Variants in KCNG2 observed in about 807,000 individuals in gnomAD.
The protein encoded by KCNG2 is potassium voltage-gated channel modifier subfamily G member 2.
In KCNG2, 7 loss-of-function variants were observed where a neutral mutation model predicts 12.3. The observed-to-expected ratio is 0.57, with a 90% CI of 0.32 to 1.07. The LOEUF (loss-of-function observed/expected upper bound fraction) is 1.07, where lower values mean the gene tolerates loss of function less well. KCNG2 is among the 50% of genes least tolerant of loss of function. The probability of loss-of-function intolerance (pLI) is 0.04; values close to 1 mark genes in which losing one functional copy is unlikely to be tolerated. For missense variants in KCNG2, 703 were observed against 726.0 expected, an observed-to-expected ratio of 0.97 and a Z score of 0.36; for synonymous variants, 414 against 351.4, an observed-to-expected ratio of 1.18 and a Z score of -1.99.
intron 3 of KCNG2, among the ~76,000 whole-genome samples, chr18:79,877,381 G>A (rs1980116310): frequency 6.6e-6 from 1 of 152,174 alleles, no homozygotes; most frequent in East Asian, 1.9e-4. Context: ...GGTTGGTGGA[G>A]GAGAGAAAGC....
At chr18:79,872,267 C>A in intron 3 of KCNG2, among the ~76,000 whole-genome samples, 1 of 128,898 alleles carries the variant, frequency 7.8e-6, no homozygotes, top group East Asian at 2.3e-4. Flanking sequence ...GATATAAAAG[C>A]TTCAAAGCTT....
chr18:79,847,217 C>T (rs895492504), intron 1 of KCNG2, among the ~76,000 whole-genome samples: 7 of 152,220 alleles, frequency 4.6e-5, no homozygotes, highest in African/African-American at 1.7e-4. Context: ...CTCCTGGCCT[C>T]GTACAAGGTC....
chr18:79,819,455 C>T (rs2087554905), intron 1 of KCNG2, among the ~76,000 whole-genome samples: 1 of 152,234 alleles, frequency 6.6e-6, no homozygotes, highest in Admixed American at 6.5e-5. Flanking sequence ...CACCTGGCAC[C>T]ACCCTGGGCA....
chr18:79,883,668 G>A (rs1644772784), intron 3 of KCNG2, among the ~76,000 whole-genome samples: 2 of 152,212 alleles, frequency 1.3e-5, no homozygotes, highest in Non-Finnish European at 2.9e-5. Flanking sequence ...GAACGATGAG[G>A]AGGGGCCTGT....
chr18:79,839,272 C>G (rs1337987390), intron 1 of KCNG2, among the ~76,000 whole-genome samples: 2 of 152,172 alleles, frequency 1.3e-5, no homozygotes, highest in Non-Finnish European at 2.9e-5. Flanking sequence ...CCAGCCTGGA[C>G]AACAGTGCAA....
At chr18:79,823,312 G>A (rs1381719517) in intron 1 of KCNG2, among the ~76,000 whole-genome samples, 1 of 152,184 alleles carries the variant, frequency 6.6e-6, no homozygotes, top group Non-Finnish European at 1.5e-5. Context: ...GTGCTGCTGT[G>A]AACACCACAT....
chr18:79,810,668 G>GT (rs1396928182), intron 1 of KCNG2, among the ~76,000 whole-genome samples: 1 of 152,182 alleles, frequency 6.6e-6, no homozygotes, highest in Non-Finnish European at 1.5e-5. Context: ...GGATGCTGAG[G>GT]TGGGAGGATC....
At chr18:79,821,655 C>T (rs1451370197) in intron 1 of KCNG2, among the ~76,000 whole-genome samples, 2 of 152,114 alleles carry the variant, frequency 1.3e-5, no homozygotes, top group Non-Finnish European at 2.9e-5. Context: ...TGAGCACATC[C>T]CCATCTTCCT....
At chr18:79,798,441 C>A (rs1387480175) in intron 1 of KCNG2, among the ~76,000 whole-genome samples, 1 of 152,176 alleles carries the variant, frequency 6.6e-6, no homozygotes, top group African/African-American at 2.4e-5. Flanking sequence ...ACCCGACTCT[C>A]CCGGCGCCCG....
At chr18:79,887,887 T>C (rs992908836) in intron 3 of KCNG2, among the ~76,000 whole-genome samples, 1 of 152,228 alleles carries the variant, frequency 6.6e-6, no homozygotes, top group East Asian at 1.9e-4. Context: ...AAGACTTCAC[T>C]GTGGTCTGTG....
chr18:79,882,631 T>C (rs1168754846), intron 3 of KCNG2, among the ~76,000 whole-genome samples: 2 of 152,214 alleles, frequency 1.3e-5, no homozygotes, highest in Non-Finnish European at 2.9e-5. Flanking sequence ...CACTCACATG[T>C]TAGAAGGGCC....
intron 1 of KCNG2, among the ~76,000 whole-genome samples, chr18:79,821,901 T>G (rs2123006341): frequency 6.6e-6 from 1 of 152,350 alleles, no homozygotes; most frequent in African/African-American, 2.4e-5. Context: ...TTGTATTGAC[T>G]ATTCGTGGTC....
At chr18:79,888,762 C>T (rs1045982728) in intron 3 of KCNG2, among the ~76,000 whole-genome samples, 5 of 152,242 alleles carry the variant, frequency 3.3e-5, no homozygotes, top group Non-Finnish European at 5.9e-5. Context: ...GCAATCTCCA[C>T]CTCCCAGGTT....
chr18:79,812,706 C>T (rs987468510), intron 1 of KCNG2, among the ~76,000 whole-genome samples: 1 of 151,990 alleles, frequency 6.6e-6, no homozygotes, highest in Non-Finnish European at 1.5e-5. Flanking sequence ...ACTAAAAATA[C>T]AAAAATTAGC....
At chr18:79,865,278 G>A in intron 3 of KCNG2, among the ~76,000 whole-genome samples, 1 of 142,438 alleles carries the variant, frequency 7.0e-6, no homozygotes, top group South Asian at 2.4e-4. Context: ...AGGTCTGTGT[G>A]CTGAGAGGTC....
chr18:79,850,966 G>T (rs143204655), intron 1 of KCNG2, among the ~76,000 whole-genome samples: 1 of 152,258 alleles, frequency 6.6e-6, no homozygotes, highest in Non-Finnish European at 1.5e-5. Context: ...TGGAGTCTTC[G>T]TGTTACCAGA....
intron 1 of KCNG2, among the ~76,000 whole-genome samples, chr18:79,815,038 T>C (rs1445676842): frequency 6.6e-6 from 1 of 152,210 alleles, no homozygotes; most frequent in African/African-American, 2.4e-5. Flanking sequence ...TTCTTTGCAG[T>C]ATTCATGAAC....
chr18:79,836,477 A>G (rs1288232736), intron 1 of KCNG2, among the ~76,000 whole-genome samples: 1 of 152,368 alleles, frequency 6.6e-6, no homozygotes, highest in South Asian at 2.1e-4. Context: ...TCACTCAACA[A>G]AAGGAGAATA....
At chr18:79,894,704 C>T (rs3932827) in intron 3 of KCNG2, among the ~76,000 whole-genome samples, 2,291 of 6,112 alleles carry the variant, frequency 0.37, 1,035 homozygotes, top group Non-Finnish European at 0.98. Context: ...GGGTCTGTGT[C>T]TGCTTTTGAT....
Sources: gnomAD v4.1 joint callset for allele counts (sites outside exome capture counted in the v4.1 genomes callset) on GRCh38, gnomAD v4.1.1 for gene constraint, MANE v1.5 for transcripts, NCBI Gene and HGNC (gene_info 2026-07-23, HGNC 2026-07-21) for gene names.